The following MCU variants were observed in gnomAD, a reference collection of about 807,000 sequenced individuals.
MCU encodes calcium uniporter protein, mitochondrial.
In MCU, 12 loss-of-function variants were observed where a neutral mutation model predicts 45.2. The observed-to-expected ratio is 0.27, with a 90% CI of 0.17 to 0.43. The LOEUF is 0.43. MCU is among the 20% of genes least tolerant of loss of function. The probability of loss-of-function intolerance (pLI) is 1.00; values close to 1 mark genes in which losing one functional copy is unlikely to be tolerated. For missense variants in MCU, 324 were observed against 436.7 expected (o/e 0.74, Z 2.30); for synonymous variants, 160 against 165.1 (o/e 0.97, Z 0.24).
chr10:72,734,936 G>A (rs949465730), intron 1 of MCU, among the ~76,000 whole-genome samples: 2 of 151,944 alleles, frequency 1.3e-5, no homozygotes, highest in African/African-American at 4.8e-5. Context: ...AAAATTAGCT[G>A]GGTGTGGTGG....
At chr10:72,837,775 A>G (rs1188288795) in intron 2 of MCU, among the ~76,000 whole-genome samples, 1 of 151,952 alleles carries the variant, frequency 6.6e-6, no homozygotes, top group Non-Finnish European at 1.5e-5. Flanking sequence ...AAGGATGTGG[A>G]TAATTCTGCT....
chr10:72,704,653 T>G (rs1055457441), intron 1 of MCU, among the ~76,000 whole-genome samples: 1 of 149,358 alleles, frequency 6.7e-6, no homozygotes, highest in African/African-American at 2.4e-5. Flanking sequence ...TCCTCCTGCC[T>G]CAGCATCCCA....
intron 4 of MCU, among the ~76,000 whole-genome samples, chr10:72,861,224 C>T (rs2132871317): frequency 6.6e-6 from 1 of 152,130 alleles, no homozygotes; most frequent in Middle Eastern, 3.4e-3. Flanking sequence ...TGAAGTCTCA[C>T]TATGTCACCC....
intron 1 of MCU, among the ~76,000 whole-genome samples, chr10:72,803,656 T>C (rs959606987): frequency 2.0e-5 from 3 of 152,014 alleles, no homozygotes; most frequent in African/African-American, 7.2e-5. Context: ...ATGAATCCCA[T>C]GTACCCAGTA....
intron 1 of MCU, among the ~76,000 whole-genome samples, chr10:72,783,003 C>G (rs1844018279): frequency 6.6e-6 from 1 of 152,082 alleles, no homozygotes; most frequent in African/African-American, 2.4e-5. Context: ...TTTAAGCTTC[C>G]TATAGGAAAA....
intron 1 of MCU, among the ~76,000 whole-genome samples, chr10:72,731,915 G>A (rs1843180148): frequency 1.3e-5 from 2 of 152,162 alleles, no homozygotes; most frequent in South Asian, 4.1e-4. Flanking sequence ...GTACAGGTTG[G>A]ACAAATATTT....
chr10:72,732,157 G>A (rs917505335), intron 1 of MCU, among the ~76,000 whole-genome samples: 1 of 152,154 alleles, frequency 6.6e-6, no homozygotes, highest in Non-Finnish European at 1.5e-5. Context: ...ATGTGAAGTG[G>A]CATCTCATTG....
At chr10:72,695,550 C>T (rs1842675600) in intron 1 of MCU, among the ~76,000 whole-genome samples, 1 of 152,128 alleles carries the variant, frequency 6.6e-6, no homozygotes, top group South Asian at 2.1e-4. Context: ...CTAATCACTC[C>T]TCTAGCCTTT....
At chr10:72,817,770 ATG>A (rs1844648756) in intron 1 of MCU, among the ~76,000 whole-genome samples, 1 of 152,224 alleles carries the variant, frequency 6.6e-6, no homozygotes, top group Admixed American at 6.5e-5. Flanking sequence ...AGTATTTTAA[ATG>A]TTATTAAAAC....
chr10:72,807,030 A>T (rs754516024), intron 1 of MCU, among the ~76,000 whole-genome samples: 1 of 152,238 alleles, frequency 6.6e-6, no homozygotes, highest in Non-Finnish European at 1.5e-5. Context: ...GTCACAAAAT[A>T]ACACAGCTCT....
chr10:72,802,875 C>T (rs1037364920), intron 1 of MCU, among the ~76,000 whole-genome samples: 3 of 152,170 alleles, frequency 2.0e-5, no homozygotes, highest in Non-Finnish European at 4.4e-5. Context: ...ATATTTGCAA[C>T]TCCTGAGTAA....
chr10:72,840,642 C>T (rs1477759952), intron 2 of MCU, among the ~76,000 whole-genome samples: 2 of 152,206 alleles, frequency 1.3e-5, no homozygotes, highest in African/African-American at 4.8e-5. Context: ...AGAAATGAAG[C>T]ATTAAAGCTA....
At chr10:72,792,632 G>T (rs12766825) in intron 1 of MCU, among the ~76,000 whole-genome samples, 1 of 152,082 alleles carries the variant, frequency 6.6e-6, no homozygotes, top group Non-Finnish European at 1.5e-5. Flanking sequence ...AATTTCCCTT[G>T]AAGGAACTCA....
At chr10:72,726,142 C>T (rs895481999) in intron 1 of MCU, among the ~76,000 whole-genome samples, 1 of 151,930 alleles carries the variant, frequency 6.6e-6, no homozygotes, top group South Asian at 2.1e-4. Flanking sequence ...TCAAAGGATC[C>T]TCCCACCTCA....
chr10:72,747,383 G>T (rs535477695), intron 1 of MCU, among the ~76,000 whole-genome samples: 2 of 152,194 alleles, frequency 1.3e-5, no homozygotes, highest in South Asian at 4.2e-4. Flanking sequence ...TCTTTTCGTT[G>T]TTTTAAAAAA....
chr10:72,738,670 G>C (rs1419365296), intron 1 of MCU, among the ~76,000 whole-genome samples: 6 of 152,180 alleles, frequency 3.9e-5, no homozygotes, highest in Non-Finnish European at 8.8e-5. Context: ...AGTTTATAAT[G>C]GTCACTCCTC....
At chr10:72,858,359 T>C (rs1307155270) in intron 2 of MCU, among the ~76,000 whole-genome samples, 1 of 151,902 alleles carries the variant, frequency 6.6e-6, no homozygotes, top group Non-Finnish European at 1.5e-5. Flanking sequence ...AAGCAGAGGG[T>C]GTGAAAACCC....
At chr10:72,767,076 G>A (rs985208333) in intron 1 of MCU, 3 of 152,090 alleles carry the variant, frequency 2.0e-5, no homozygotes, top group Non-Finnish European at 4.4e-5. Flanking sequence ...GCTTTGCAAA[G>A]TTACCTGTCT....
chr10:72,793,395 C>T (rs1299532165), intron 1 of MCU, among the ~76,000 whole-genome samples: 2 of 152,068 alleles, frequency 1.3e-5, no homozygotes, highest in African/African-American at 4.8e-5. Flanking sequence ...CCAGTAGTTT[C>T]GGACCACTTA....
Sources: allele counts gnomAD v4.1 joint callset (sites outside exome capture counted in the v4.1 genomes callset), GRCh38; gene constraint gnomAD v4.1.1; transcripts MANE v1.5; gene names NCBI Gene and HGNC (gene_info 2026-07-23, HGNC 2026-07-21).